UBA6: variants seen among roughly 807,000 people sequenced by gnomAD.
UBA6 encodes the protein ubiquitin like modifier activating enzyme 6, also known as ubiquitin-like modifier-activating enzyme 6.
In UBA6, 87 loss-of-function variants were observed where a neutral mutation model predicts 148.3. The ratio of observed to expected loss-of-function variants is 0.59; its 90% CI spans 0.49 to 0.70. The LOEUF (loss-of-function observed/expected upper bound fraction) is 0.70, where lower values mean the gene tolerates loss of function less well. Ranked by LOEUF, UBA6 falls within the 30% of genes least tolerant of loss-of-function variation. UBA6 has a pLI of 0.00. For missense variants in UBA6, 1,186 were observed against 1,241.2 expected (o/e 0.96, Z 0.67); for synonymous variants, 376 against 401.0 (o/e 0.94, Z 0.75).
At chr4:67,689,061 T>C (rs1024487288) in intron 2 of UBA6, among the ~76,000 whole-genome samples, 3 of 152,124 alleles carry the variant, frequency 2.0e-5, no homozygotes, top group African/African-American at 7.2e-5. Context: ...AACCATACTT[T>C]GGGTACCCAT....
chr4:67,659,963 C>T (rs1729809320), intron 13 of UBA6, among the ~76,000 whole-genome samples: 2 of 152,046 alleles, frequency 1.3e-5, no homozygotes, highest in South Asian at 4.1e-4. Flanking sequence ...GGCATTTTGC[C>T]CCTGCCCTAG....
At chr4:67,644,490 T>A (rs925486921) in intron 17 of UBA6, among the ~76,000 whole-genome samples, 33 of 152,180 alleles carry the variant, frequency 2.2e-4, no homozygotes, top group African/African-American at 7.0e-4. Context: ...GAGAAAAGAA[T>A]TAATTTGCTA....
Position 67,645,938 on chromosome 4 carries a change from TA to T in UBA6, c.1394del (p.Leu465Ter). On this transcript the variant is annotated frameshift_variant and splice_region_variant, in exon 16 of 33. Transcript: ENST00000322244. LOFTEE classifies it high-confidence loss of function. The stretch of plus-strand genomic sequence containing the variant: ...TATTCCCATGATTATTGATACTTAC[TA>T]AGAAGATGTTTAAATTTTGCAGTTT... The part of the protein sequence containing the change: ...CQKLQNLNIF[L>X]VGCGAIGCEM... 6.3e-7 allele frequency: 1 copy of T among 1,575,460 alleles called. No individual in the cohort carries two copies. The highest frequency in any genetic ancestry group is 1.4e-5 in the African/African-American group (1 of 73,976).
intron 17 of UBA6, among the ~76,000 whole-genome samples, chr4:67,642,948 C>T (rs1042703383): frequency 2.6e-5 from 4 of 151,862 alleles, no homozygotes; most frequent in East Asian, 1.9e-4. Flanking sequence ...TATTTATCTT[C>T]GATTTGTCCA....
intron 23 of UBA6, among the ~76,000 whole-genome samples, 192 bp from the exon 24 acceptor site, chr4:67,632,100 T>C (rs987304786): frequency 6.6e-6 from 1 of 152,236 alleles, no homozygotes; most frequent in African/African-American, 2.4e-5. Context: ...TCAATGTCCC[T>C]CATAAATGAA....
At position 67,635,550 on chromosome 4, in the gene UBA6, A is replaced by G. The variant is rs1376717475; in HGVS notation, c.1745T>C (p.Leu582Ser). 2 of 1,607,898 alleles carry G rather than the reference A, an allele frequency of 1.2e-6. No homozygotes were observed. The highest frequency in any genetic ancestry group is 2.2e-5 in the East Asian group (1 of 44,760). Residue 582 changes from leucine (L) to serine (S), a missense_variant, in exon 20 of 33, where the codon TTA becomes TCA. By Grantham distance (145) the Leu-to-Ser change is moderately radical (BLOSUM62 -2). Coordinates refer to ENST00000322244, the MANE Select transcript of UBA6 (RefSeq NM_018227.6). ...EARRYVDSRCLANLRPLLDSG... is the reference protein window; with the variant it reads ...EARRYVDSRCSANLRPLLDSG... ...ATCTAAAAGAGGCCTTAGATTTGCT[A>G]AGCAACGACTATTTGAAAAGACAGC...
rs544690524 is a variant in UBA6 at position 67,653,017 on chromosome 4, G to T, written c.1105-3806C>A. Among the ~76,000 whole-genome samples the T allele has an allele frequency of 2.9e-4, 44 of 152,320 alleles. No individual in the cohort carries two copies. The South Asian group carries it at 8.9e-3, about 31-fold the overall frequency. Reference sequence around the variant, plus strand: ...GAGGCTTGAGTAGGTAAACAAAGCAGCTGGTAAGCTTGAACTGAGTGGAGC... The same window carrying T: ...GAGGCTTGAGTAGGTAAACAAAGCATCTGGTAAGCTTGAACTGAGTGGAGC... On this transcript the variant is annotated intron_variant, in intron 13 of 32. Coordinates refer to ENST00000322244, the MANE Select transcript of UBA6 (RefSeq NM_018227.6).
chr4:67,634,172 T>C (rs1257424837), intron 22 of UBA6, 70 bp downstream of exon 22: 5 of 1,046,664 alleles, frequency 4.8e-6, no homozygotes, highest in Non-Finnish European at 6.9e-6. Context: ...AAATCACTTG[T>C]AGATGACTTG....
chr4:67,691,085 T>C (rs954950795), intron 2 of UBA6, among the ~76,000 whole-genome samples: 2 of 152,142 alleles, frequency 1.3e-5, no homozygotes, highest in African/African-American at 4.8e-5. Flanking sequence ...TCCATTTATA[T>C]GCAGATTTTT....
At chr4:67,620,729 T>C (rs1045805817) in intron 32 of UBA6, among the ~76,000 whole-genome samples, 1 of 152,226 alleles carries the variant, frequency 6.6e-6, no homozygotes, top group African/African-American at 2.4e-5. Flanking sequence ...CTAACATTTA[T>C]GGAATACTTC....
At chr4:67,693,950 C>T (rs1167634474) in intron 2 of UBA6, among the ~76,000 whole-genome samples, 5 of 151,868 alleles carry the variant, frequency 3.3e-5, no homozygotes, top group East Asian at 1.9e-4. Context: ...CACGGTGGCT[C>T]GCGCCTGTAA....
chr4:67,622,216 T>C (rs897941863), intron 32 of UBA6, among the ~76,000 whole-genome samples: 3 of 152,240 alleles, frequency 2.0e-5, no homozygotes, highest in African/African-American at 7.2e-5. Flanking sequence ...TTTGGTTCTT[T>C]CTTCCTTTCA....
At position 67,630,190 on chromosome 4, in the gene UBA6, G is replaced by A. The variant is rs889522815; in HGVS notation, c.2328+276C>T. ...CTAGGATAACTGAAGCTGCTAAGCA[G>A]GTTATAAATATTCTTAAAACAAAGT... On this transcript the variant is annotated intron_variant, in intron 26 of 32. Coordinates refer to ENST00000322244, the MANE Select transcript of UBA6 (RefSeq NM_018227.6). Among the ~76,000 whole-genome samples, 11 of 152,086 alleles carry A rather than the reference G, an allele frequency of 7.2e-5. 1 individual carries two copies. The highest frequency in any genetic ancestry group is 2.2e-4 in the African/African-American group (9 of 41,428).
chr4:67,663,867 T>G lies in UBA6; in HGVS notation c.960+18A>C. On this transcript the variant is annotated intron_variant, in intron 11 of 32. Transcript: ENST00000322244. Reference sequence around the variant, plus strand: ...CTGATTCTGCTGCCTCTCTCAAACCTGCAAAGTGTTTATTTACCTCAGGGT... The same window carrying G: ...CTGATTCTGCTGCCTCTCTCAAACCGGCAAAGTGTTTATTTACCTCAGGGT... The G allele has an allele frequency of 6.2e-7, 1 of 1,610,362 alleles. No homozygotes were observed. Among genetic ancestry groups the G allele is most frequent in the Non-Finnish European group, 8.5e-7 (1 of 1,176,768 alleles).
At chr4:67,620,217 T>C (rs1426162169) in intron 32 of UBA6, among the ~76,000 whole-genome samples, 2 of 152,224 alleles carry the variant, frequency 1.3e-5, no homozygotes, top group Non-Finnish European at 2.9e-5. Flanking sequence ...TTATCCAAGA[T>C]ACTTAGGTAT....
intron 2 of UBA6, among the ~76,000 whole-genome samples, chr4:67,695,458 C>A (rs1162334494): frequency 1.3e-5 from 2 of 152,190 alleles, no homozygotes; most frequent in East Asian, 3.8e-4. Context: ...ATCACCCTAT[C>A]AATAAAATGG....
intron 13 of UBA6, among the ~76,000 whole-genome samples, chr4:67,651,598 A>G (rs913474515): frequency 2.0e-5 from 3 of 152,174 alleles, no homozygotes; most frequent in African/African-American, 7.2e-5. Context: ...ACAAGTATGA[A>G]AACTACAGAA....
intron 26 of UBA6, 65 bp downstream of exon 26, chr4:67,630,401 G>T: frequency 1.0e-6 from 1 of 970,914 alleles, no homozygotes; most frequent in Non-Finnish European, 1.6e-6. Context: ...GATGCAATTA[G>T]TGCATCAGTC....
intron 6 of UBA6, among the ~76,000 whole-genome samples, chr4:67,676,019 C>CTTTTT (rs397878783): frequency 2.6e-5 from 3 of 117,152 alleles, no homozygotes; most frequent in Admixed American, 9.0e-5. Context: ...ATAGTACTAC[C>CTTTTT]TTTTTTTTTT....
Sources: gnomAD v4.1 joint callset for allele counts (sites outside exome capture counted in the v4.1 genomes callset) on GRCh38, gnomAD v4.1.1 for gene constraint, MANE v1.5 for transcripts, NCBI Gene and HGNC (gene_info 2026-07-23, HGNC 2026-07-21) for gene names.